The following CNOT10 variants were observed in gnomAD, a reference collection of about 807,000 sequenced individuals.
CNOT10 encodes CCR4-NOT transcription complex, subunit 10.
In CNOT10, 30 loss-of-function variants were observed where a neutral mutation model predicts 94.6. The observed-to-expected ratio is 0.32, with a 90% CI of 0.24 to 0.43. The LOEUF is 0.43. Ranked by LOEUF, CNOT10 falls within the 20% of genes least tolerant of loss-of-function variation. CNOT10 has a pLI of 1.00. For missense variants in CNOT10, 759 were observed against 877.2 expected, an observed-to-expected ratio of 0.87 and a Z score of 1.70; for synonymous variants, 289 against 301.6, an observed-to-expected ratio of 0.96 and a Z score of 0.43.
At chr3:32,740,658 C>T (rs556383467) in intron 13 of CNOT10, among the ~76,000 whole-genome samples, 102 of 151,882 alleles carry the variant, frequency 6.7e-4, no homozygotes, top group Non-Finnish European at 1.4e-3. Flanking sequence ...GTCAGGAGAT[C>T]GAGACCATCC....
At chr3:32,771,323 G>C (rs1037328746) in intron 18 of CNOT10, among the ~76,000 whole-genome samples, 1 of 151,896 alleles carries the variant, frequency 6.6e-6, no homozygotes. Context: ...ATAATAGGCC[G>C]GGCACAGTGG....
At chr3:32,726,765 A>G (rs912364056) in intron 9 of CNOT10, among the ~76,000 whole-genome samples, 1 of 150,476 alleles carries the variant, frequency 6.6e-6, no homozygotes. Flanking sequence ...ATTATAAATC[A>G]AGGTAGACCG....
intron 16 of CNOT10, 53 bp from the exon 17 acceptor site, chr3:32,764,629 T>C: frequency 6.2e-7 from 1 of 1,607,706 alleles, no homozygotes; most frequent in Non-Finnish European, 8.5e-7. Flanking sequence ...ATTGGGTTGC[T>C]TCCTTGCTGT....
chr3:32,773,666 T>G lies in CNOT10; in HGVS notation c.*55T>G. 2 of 1,525,246 alleles carry G rather than the reference T, an allele frequency of 1.3e-6. No individual in the cohort carries two copies. The highest frequency in any genetic ancestry group is 1.8e-6 in the Non-Finnish European group (2 of 1,123,572). The allele number at this position is 1,525,246 out of a possible 1,614,324, so 94.5% of individuals were successfully genotyped here. A position where few individuals can be genotyped will look rare whatever the true frequency, so the allele number is the denominator to read the frequency against. ...GACCCAGGGGAGAATTTACTGGCCATTTTAGTTGTATCACAGCAGAATGAA... is the reference window on the plus strand; with the variant it reads ...GACCCAGGGGAGAATTTACTGGCCAGTTTAGTTGTATCACAGCAGAATGAA... On this transcript the variant is annotated 3_prime_UTR_variant, in exon 19 of 19. Transcript: ENST00000328834.
chr3:32,750,418 G>C (rs916902175), intron 13 of CNOT10, among the ~76,000 whole-genome samples: 3 of 151,396 alleles, frequency 2.0e-5, no homozygotes, highest in Non-Finnish European at 4.4e-5. Context: ...CTTGAACCCC[G>C]GAGGCCGAAG....
At chr3:32,757,254 A>C (rs1334514818) in intron 13 of CNOT10, among the ~76,000 whole-genome samples, 1 of 115,998 alleles carries the variant, frequency 8.6e-6, no homozygotes, top group Non-Finnish European at 1.6e-5. Context: ...ATCTCAGCTT[A>C]CCGCAACCTC....
chr3:32,708,521 G>A (rs1300437171), intron 3 of CNOT10, 149 bp from the exon 4 acceptor site: 29 of 626,826 alleles, frequency 4.6e-5, no homozygotes, highest in South Asian at 8.9e-5. Flanking sequence ...GTATGTGAGA[G>A]TAATTAAAAT....
chr3:32,742,422 C>T (rs1034579063), intron 13 of CNOT10, among the ~76,000 whole-genome samples: 7 of 147,784 alleles, frequency 4.7e-5, no homozygotes, highest in African/African-American at 1.8e-4. Flanking sequence ...TGCTGTGTTG[C>T]CCAGGCTGGA....
rs1463916946 is a variant in CNOT10, at chr3:32,740,374, G to C, written c.1595+2884G>C. On this transcript the variant is annotated intron_variant, in intron 13 of 18. Transcript: ENST00000328834. ...TTCGAGAGGCTGAAGCAGGGGAATC[G>C]CTTCAACCGGGGAGGCGGAGGGAGG... Among the ~76,000 whole-genome samples, 8 of 152,218 alleles carry C rather than the reference G, an allele frequency of 5.3e-5. No individual in the cohort carries two copies. In the East Asian group the frequency reaches 1.5e-3, roughly 29 times the overall value.
chr3:32,751,698 T>C (rs1699973551), intron 13 of CNOT10, among the ~76,000 whole-genome samples: 1 of 152,230 alleles, frequency 6.6e-6, no homozygotes, highest in African/African-American at 2.4e-5. Flanking sequence ...ATTTCTTCTT[T>C]TGTTAGCCCA....
Position 32,685,305 on chromosome 3 carries a change from C to T in CNOT10, c.-156C>T. Reference sequence around the variant, plus strand: ...CGGGAACTAGCTCTCGTCACTTCCTCAGCCCGCCGTCTGCCCACTCCTCTA... The same window carrying T: ...CGGGAACTAGCTCTCGTCACTTCCTTAGCCCGCCGTCTGCCCACTCCTCTA... On this transcript the variant is annotated 5_prime_UTR_variant, in exon 1 of 19. Transcript: ENST00000328834. The T allele has an allele frequency of 1.4e-6, 1 of 733,244 alleles. No homozygotes were observed. The highest frequency in any genetic ancestry group is 1.8e-5 in the South Asian group (1 of 57,068). 45.4% of individuals were successfully genotyped at this position (733,244 alleles called of 1,614,324 possible).
intron 17 of CNOT10, chr3:32,769,657 G>T (rs1267622209): frequency 8.4e-6 from 4 of 474,730 alleles, no homozygotes; most frequent in Non-Finnish European, 1.6e-5. Flanking sequence ...GTAGTATCGG[G>T]GTGTCCAGTC....
intron 1 of CNOT10, chr3:32,695,863 T>G: frequency 6.8e-7 from 1 of 1,470,518 alleles, no homozygotes; most frequent in Non-Finnish European, 9.1e-7. Context: ...TAAATGTTTT[T>G]AAAACATTAA....
chr3:32,768,126 A>G (rs1019267459), intron 17 of CNOT10, among the ~76,000 whole-genome samples: 4 of 152,166 alleles, frequency 2.6e-5, no homozygotes, highest in African/African-American at 7.2e-5. Context: ...CCTGCCCACC[A>G]CTAACCATTC....
intron 1 of CNOT10, among the ~76,000 whole-genome samples, chr3:32,686,358 TAAAG>T (rs964688532): frequency 2.6e-5 from 4 of 152,172 alleles, no homozygotes; most frequent in African/African-American, 2.4e-5. Flanking sequence ...AATTTAAAAT[TAAAG>T]AAAAACTCAG....
chr3:32,710,407 TC>T (rs1251859555), intron 4 of CNOT10, among the ~76,000 whole-genome samples: 2 of 151,994 alleles, frequency 1.3e-5, no homozygotes, highest in East Asian at 3.9e-4. Context: ...CCCCAACACA[TC>T]CATAGCCTCC....
chr3:32,722,186 G>T (rs944956734), intron 8 of CNOT10, among the ~76,000 whole-genome samples: 4 of 151,774 alleles, frequency 2.6e-5, no homozygotes, highest in Non-Finnish European at 4.4e-5. Context: ...GTTTTGTCTT[G>T]TTTTTTTTGG....
intron 11 of CNOT10, among the ~76,000 whole-genome samples, 191 bp downstream of exon 11, chr3:32,733,735 G>T (rs1301068410): frequency 1.3e-5 from 2 of 152,068 alleles, no homozygotes; most frequent in Admixed American, 1.3e-4. Flanking sequence ...CATGATTTTG[G>T]TTTATTACAT....
chr3:32,746,769 G>A (rs1265079033), intron 13 of CNOT10, among the ~76,000 whole-genome samples: 7 of 151,144 alleles, frequency 4.6e-5, no homozygotes, highest in East Asian at 1.9e-4. Context: ...CCCAGGAGGC[G>A]GAGCTTGCAG....
Sources: gnomAD v4.1 joint callset for allele counts (sites outside exome capture counted in the v4.1 genomes callset) on GRCh38, gnomAD v4.1.1 for gene constraint, MANE v1.5 for transcripts, NCBI Gene and HGNC (gene_info 2026-07-23, HGNC 2026-07-21) for gene names.